Variants in TIAM2 observed in about 807,000 individuals in gnomAD.
The protein encoded by TIAM2 is TIAM Rac1 associated GEF 2.
In TIAM2, 80 loss-of-function variants were observed where a neutral mutation model predicts 152.9. The ratio of observed to expected loss-of-function variants is 0.52; its 90% CI spans 0.44 to 0.63. The LOEUF (loss-of-function observed/expected upper bound fraction) is 0.63, where lower values mean the gene tolerates loss of function less well. Among genes scored for constraint, TIAM2 ranks in the 30% least tolerant of loss-of-function variants. TIAM2 has a pLI of 0.00. For synonymous variants in TIAM2, 804 were observed against 838.0 expected, an observed-to-expected ratio of 0.96 and a Z score of 0.70; for missense variants, 1,965 against 2,120.1, an observed-to-expected ratio of 0.93 and a Z score of 1.44.
intron 15 of TIAM2, among the ~76,000 whole-genome samples, chr6:155,222,382 C>A (rs1451880805): frequency 6.6e-6 from 1 of 151,810 alleles, no homozygotes; most frequent in Non-Finnish European, 1.5e-5. Flanking sequence ...TGGTGGATCA[C>A]TTGAGGCCAG....
At chr6:155,144,815 A>T in intron 6 of TIAM2, 37 bp downstream of exon 6, 1 of 1,557,228 alleles carries the variant, frequency 6.4e-7, no homozygotes, top group Non-Finnish European at 8.6e-7. Context: ...GTAATAGCTT[A>T]TGTACTGCTA....
chr6:155,188,240 G>A (rs923839275), intron 14 of TIAM2, among the ~76,000 whole-genome samples: 2 of 152,298 alleles, frequency 1.3e-5, no homozygotes, highest in South Asian at 2.1e-4. Context: ...CTGGGCCCGT[G>A]CTTGGAAGAC....
At chr6:155,242,820 C>G (rs1783109050) in intron 16 of TIAM2, among the ~76,000 whole-genome samples, 1 of 152,188 alleles carries the variant, frequency 6.6e-6, no homozygotes, top group Admixed American at 6.5e-5. Context: ...ACTGCAACCT[C>G]CACCTCCTGA....
intron 16 of TIAM2, among the ~76,000 whole-genome samples, chr6:155,241,395 C>G (rs113087534): frequency 2.0e-5 from 3 of 152,136 alleles, no homozygotes; most frequent in Non-Finnish European, 4.4e-5. Context: ...TGAAGCAGCG[C>G]GGCACGGTGC....
intron 1 of TIAM2, among the ~76,000 whole-genome samples, chr6:155,040,587 C>T (rs1056938703): frequency 7.2e-5 from 11 of 152,082 alleles, no homozygotes; most frequent in South Asian, 6.2e-4. Context: ...GGCACCATCT[C>T]GGCTCACTGC....
chr6:155,240,626 T>C lies in TIAM2; in HGVS notation c.3265T>C (p.Ser1089Pro), dbSNP rs4259257. 0.99 allele frequency: 1,595,212 copies of C among 1,614,140 alleles called. 788,552 individuals carry two copies. Among genetic ancestry groups the C allele is most frequent in the East Asian group, 1 (44,880 of 44,886 alleles). ...PRENQDPPPR[S>P]LARHLSDADR... ...GGAGAATCAGGATCCTCCTCCGAGGTCTCTGGCCCGCCACCTGTCTGATGC... is the reference window on the plus strand; with the variant it reads ...GGAGAATCAGGATCCTCCTCCGAGGCCTCTGGCCCGCCACCTGTCTGATGC... Residue 1089 changes from serine to proline, a missense_variant, in exon 16 of 27, where the codon TCT becomes CCT. Coordinates refer to ENST00000682666, the MANE Select transcript of TIAM2 (RefSeq NM_012454.4).
chr6:155,208,325 C>T (rs926473406), intron 14 of TIAM2, among the ~76,000 whole-genome samples: 2 of 152,076 alleles, frequency 1.3e-5, no homozygotes, highest in African/African-American at 4.8e-5. Flanking sequence ...TTTTTAAATT[C>T]TCTATGAAAA....
chr6:155,130,197 C>T lies in TIAM2; in HGVS notation c.974C>T (p.Thr325Met), dbSNP rs374348209. The change falls in exon 4 of 27, where the codon ACG (threonine) becomes ATG (methionine). Residue 325 changes from threonine (T) to methionine (M), a missense_variant. Thr to Met is a moderately conservative substitution (Grantham distance 81). Around this residue, in one of 3 missense-constraint regions of TIAM2, gnomAD observed 1,025 missense variants for 1,119.4 expected, o/e 0.92. Coordinates refer to ENST00000682666, the MANE Select transcript of TIAM2 (RefSeq NM_012454.4). Reference sequence around the variant, plus strand: ...CGCCTTTCTGATGAATACATGGGCACGCATGCCAGCCTGAGCAACCGTGTC... The same window carrying T: ...CGCCTTTCTGATGAATACATGGGCATGCATGCCAGCCTGAGCAACCGTGTC... ...GIRLSDEYMGTHASLSNRVSF... is the reference protein window; with the variant it reads ...GIRLSDEYMGMHASLSNRVSF... The T allele has an allele frequency of 5.3e-5, 85 of 1,614,044 alleles. No individual in the cohort carries two copies. Among genetic ancestry groups the T allele is most frequent in the South Asian group, 7.7e-5 (7 of 91,090 alleles).
chr6:155,107,260 T>C (rs1038605048), intron 2 of TIAM2, among the ~76,000 whole-genome samples: 1 of 152,238 alleles, frequency 6.6e-6, no homozygotes, highest in Admixed American at 6.5e-5. Context: ...ACCGGCAATA[T>C]ATAAGTGCTG....
intron 7 of TIAM2, among the ~76,000 whole-genome samples, chr6:155,161,512 G>C (rs946587287): frequency 1.3e-5 from 2 of 151,696 alleles, no homozygotes; most frequent in South Asian, 2.1e-4. Flanking sequence ...ACAAGAGATT[G>C]TCTTCTTCCC....
At chr6:155,101,830 T>C (rs1027986119) in intron 2 of TIAM2, among the ~76,000 whole-genome samples, 1 of 151,932 alleles carries the variant, frequency 6.6e-6, no homozygotes, top group African/African-American at 2.4e-5. Context: ...GCCTCCCGAG[T>C]AGCTGAGACT....
At position 155,129,208 on chromosome 6, in the gene TIAM2, C is replaced by A. The variant is rs1779373500; in HGVS notation, c.-6-10C>A. 6.2e-7 allele frequency: 1 copy of A among 1,607,308 alleles called. No individual in the cohort carries two copies. Among genetic ancestry groups the A allele is most frequent in the Admixed American group, 1.7e-5 (1 of 59,796 alleles). On this transcript the variant is annotated splice_polypyrimidine_tract_variant and intron_variant, in intron 3 of 26. Coordinates refer to ENST00000682666, the MANE Select transcript of TIAM2 (RefSeq NM_012454.4). The surrounding 1 kb of genome is among the most constrained non-coding windows in gnomAD (Gnocchi z 4.8). ...CCACGGTCTTACTGATGCAACTGTT[C>A]TTAATTTAGGTTAAAATGGGCAACT...
intron 1 of TIAM2, among the ~76,000 whole-genome samples, chr6:155,074,226 A>T (rs1223881287): frequency 6.6e-6 from 1 of 152,216 alleles, no homozygotes; most frequent in Non-Finnish European, 1.5e-5. Context: ...CTTCCTCTCC[A>T]TATCAGAGTT....
intron 9 of TIAM2, 128 bp from the exon 10 acceptor site, chr6:155,176,688 A>G: frequency 1.1e-6 from 1 of 932,668 alleles, no homozygotes; most frequent in East Asian, 2.6e-5. Context: ...GGGCTGTGAG[A>G]AGCCAGTGAT....
chr6:155,070,598 T>A (rs924942681), intron 1 of TIAM2, among the ~76,000 whole-genome samples: 7 of 152,184 alleles, frequency 4.6e-5, no homozygotes, highest in African/African-American at 1.7e-4. Context: ...AGAATTCATT[T>A]AAAAATTTTT....
chr6:155,016,936 AT>A (rs1778600369), intron 1 of TIAM2, among the ~76,000 whole-genome samples: 1 of 152,198 alleles, frequency 6.6e-6, no homozygotes, highest in Non-Finnish European at 1.5e-5. Context: ...AATAAATAAA[AT>A]AACTTGGGAG....
intron 2 of TIAM2, among the ~76,000 whole-genome samples, chr6:155,121,088 A>C (rs1315783432): frequency 6.6e-6 from 1 of 152,204 alleles, no homozygotes; most frequent in East Asian, 1.9e-4. Flanking sequence ...AAAACCTAGA[A>C]GATTCTAAAT....
intron 1 of TIAM2, among the ~76,000 whole-genome samples, chr6:155,024,199 C>T (rs1443147810): frequency 6.6e-6 from 1 of 152,100 alleles, no homozygotes; most frequent in Non-Finnish European, 1.5e-5. Context: ...CTTACGGCCA[C>T]GTTTCTTTGG....
intron 26 of TIAM2, 101 bp from the exon 27 acceptor site, chr6:155,256,383 A>G: frequency 6.5e-7 from 1 of 1,529,944 alleles, no homozygotes; most frequent in African/African-American, 1.4e-5. Context: ...ATATCATAAA[A>G]TAAAATCTTA....
Sources: gnomAD v4.1 joint callset for allele counts (sites outside exome capture counted in the v4.1 genomes callset) on GRCh38, gnomAD v4.1.1 for gene constraint, gnomAD v4.1.1 regional missense constraint, Gnocchi (gnomAD v3.1) non-coding constraint, MANE v1.5 for transcripts, NCBI Gene and HGNC (gene_info 2026-07-23, HGNC 2026-07-21) for gene names.